The following SLC9A8 variants were observed in gnomAD, a reference collection of about 807,000 sequenced individuals.
SLC9A8 encodes sodium/hydrogen exchanger 8.
SLC9A8 carries 48 observed loss-of-function variants against 66.6 expected under a neutral mutation model. The observed-to-expected ratio is 0.72, with a 90% confidence interval of 0.57 to 0.92. The LOEUF is 0.92. Among genes scored for constraint, SLC9A8 ranks in the 40% least tolerant of loss-of-function variants. The pLI is 0.00. For synonymous variants in SLC9A8, 274 were observed against 282.6 expected (o/e 0.97, Z 0.31); for missense variants, 599 against 747.3 (o/e 0.80, Z 2.31).
In SLC9A8 at chr20:49,886,543, G is replaced by A. The variant is rs748889697; in HGVS notation, c.1492-209G>A. On this transcript the variant is annotated intron_variant, in intron 14 of 15. Transcript: ENST00000361573. The surrounding 1 kb of genome is among the most constrained non-coding windows in gnomAD (Gnocchi z 4.8). Reference sequence around the variant, plus strand: ...TCCTTCTGTTTTAGCTGTCCTAGGTGGGGTCCTGGGCATCCATTGTGCCCT... The same window carrying A: ...TCCTTCTGTTTTAGCTGTCCTAGGTAGGGTCCTGGGCATCCATTGTGCCCT... 7 of 550,828 alleles carry A rather than the reference G, an allele frequency of 1.3e-5. No homozygotes were observed. Among genetic ancestry groups the A allele is most frequent in the Non-Finnish European group, 2.2e-5 (7 of 313,402 alleles). 34.1% of individuals were successfully genotyped at this position (550,828 alleles called of 1,614,324 possible).
At chr20:49,843,540 T>C (rs17724146) in intron 4 of SLC9A8, among the ~76,000 whole-genome samples, 29,873 of 152,144 alleles carry the variant, frequency 0.2, 3,708 homozygotes, top group Non-Finnish European at 0.29. Flanking sequence ...AATATTCATA[T>C]GAAAAAGGGC....
At chr20:49,817,627 C>T (rs6012752) in intron 2 of SLC9A8, among the ~76,000 whole-genome samples, 101,763 of 151,892 alleles carry the variant, frequency 0.67, 35,400 homozygotes, top group African/African-American at 0.86. Flanking sequence ...ACTCTGTCTC[C>T]ACAAAAAATA....
rs2090004772 is a variant in SLC9A8 at position 49,889,951 on chromosome 20, TG to T, written c.*2016del. The T allele has an allele frequency of 6.6e-6, 1 of 152,256 alleles. No homozygotes were observed. Among genetic ancestry groups the T allele is most frequent in the Non-Finnish European group, 1.5e-5 (1 of 68,046 alleles). The allele number at this position is 152,256 out of a possible 1,614,324, so 9.4% of individuals were successfully genotyped here. ...AAAAGAGTCAGATCCCATTTCCGTC[TG>T]CCCCCTCGTCACCAGGTGTGATAGC... is the stretch of plus-strand genomic sequence containing the variant. On this transcript the variant is annotated 3_prime_UTR_variant, in exon 16 of 16. Transcript: ENST00000361573.
intron 10 of SLC9A8, 22 bp downstream of exon 10, chr20:49,864,866 A>G: frequency 6.7e-7 from 1 of 1,490,176 alleles, no homozygotes; most frequent in Non-Finnish European, 9.4e-7. Context: ...AGAGCCTGAA[A>G]GTGCTGTGGT....
At position 49,889,755 on chromosome 20, in the gene SLC9A8, C is replaced by T. The variant is rs2146805164; in HGVS notation, c.*1819C>T. On this transcript the variant is annotated 3_prime_UTR_variant, in exon 16 of 16. Transcript: ENST00000361573. ...GTCAGAGGGTAGGGACCTTTGCCTG[C>T]CCCTGGGCGAGTGCGGGCAGGGATC... 1 of 152,146 alleles carries T rather than the reference C, an allele frequency of 6.6e-6. No homozygotes were observed. The highest frequency in any genetic ancestry group is 1.9e-4 in the East Asian group (1 of 5,194). 9.4% of individuals were successfully genotyped at this position (152,146 alleles called of 1,614,324 possible).
intron 2 of SLC9A8, among the ~76,000 whole-genome samples, chr20:49,822,153 T>C (rs2086762324): frequency 6.6e-6 from 1 of 152,166 alleles, no homozygotes; most frequent in East Asian, 1.9e-4. Flanking sequence ...CCTCAGCCGA[T>C]GGGAATGGCA....
rs1285112375 is a variant in SLC9A8, at chr20:49,884,280, C to CG, written c.1491+214_1491+215insG. On this transcript the variant is annotated intron_variant, in intron 14 of 15. Transcript: ENST00000361573. The stretch of plus-strand genomic sequence containing the variant: ...ACACGACACACACACACACGACACA[C>CG]ACACACACGACACACACACACACAC... The CG allele has an allele frequency of 1.8e-3, 414 of 233,272 alleles. 11 individuals carry two copies. The highest frequency in any genetic ancestry group is 5.4e-3 in the African/African-American group (120 of 22,422). 14.5% of individuals were successfully genotyped at this position (233,272 alleles called of 1,614,324 possible). A position where few individuals can be genotyped will look rare whatever the true frequency, so the allele number is the denominator to read the frequency against.
At chr20:49,860,412 CT>C (rs1361716597) in intron 8 of SLC9A8, among the ~76,000 whole-genome samples, 1 of 152,094 alleles carries the variant, frequency 6.6e-6, no homozygotes, top group Admixed American at 6.5e-5. Flanking sequence ...TCTTATTCTG[CT>C]TTAAAATGAT....
intron 5 of SLC9A8, among the ~76,000 whole-genome samples, chr20:49,846,177 C>T (rs1212763867): frequency 6.6e-6 from 1 of 152,152 alleles, no homozygotes; most frequent in Non-Finnish European, 1.5e-5. Context: ...GAGCTTCTCA[C>T]TTTTAAGCCT....
intron 8 of SLC9A8, among the ~76,000 whole-genome samples, chr20:49,856,002 A>G (rs940187322): frequency 1.3e-5 from 2 of 152,066 alleles, no homozygotes; most frequent in Non-Finnish European, 2.9e-5. Context: ...CATGTTGCCC[A>G]GGCTTGTCTT....
At chr20:49,816,554 G>A (rs1429620265) in intron 2 of SLC9A8, among the ~76,000 whole-genome samples, 1 of 152,096 alleles carries the variant, frequency 6.6e-6, no homozygotes, top group Admixed American at 6.6e-5. Context: ...TGATAACCAG[G>A]TTACCAGATA....
At chr20:49,839,804 A>G (rs2087689794) in intron 4 of SLC9A8, among the ~76,000 whole-genome samples, 1 of 152,140 alleles carries the variant, frequency 6.6e-6, no homozygotes, top group South Asian at 2.1e-4. Flanking sequence ...TCAAGTGAAC[A>G]TGGGCGCCAA....
intron 8 of SLC9A8, among the ~76,000 whole-genome samples, chr20:49,857,537 G>A (rs2088547285): frequency 1.3e-5 from 2 of 152,278 alleles, no homozygotes; most frequent in South Asian, 4.1e-4. Context: ...GGCCAACATG[G>A]TGAAACCCCA....
chr20:49,867,976 C>T (rs1171649797), intron 10 of SLC9A8, among the ~76,000 whole-genome samples: 1 of 152,212 alleles, frequency 6.6e-6, no homozygotes, highest in Non-Finnish European at 1.5e-5. Context: ...TTTTGTTTTT[C>T]ATCGCAGACC....
chr20:49,844,051 C>A (rs2087877259), intron 4 of SLC9A8, among the ~76,000 whole-genome samples: 1 of 151,038 alleles, frequency 6.6e-6, no homozygotes, highest in African/African-American at 2.4e-5. Context: ...TTATCAGATA[C>A]CCAGTCTTGA....
At chr20:49,881,809 A>G (rs1045050756) in intron 13 of SLC9A8, among the ~76,000 whole-genome samples, 4 of 152,208 alleles carry the variant, frequency 2.6e-5, no homozygotes, top group Non-Finnish European at 5.9e-5. Context: ...GTGGTGAGAA[A>G]AACTCATTTT....
intron 2 of SLC9A8, among the ~76,000 whole-genome samples, chr20:49,820,364 C>T (rs1399940044): frequency 1.3e-5 from 2 of 151,970 alleles, no homozygotes; most frequent in Non-Finnish European, 2.9e-5. Flanking sequence ...GGCGTGGTGG[C>T]ATACACCTAT....
intron 4 of SLC9A8, 30 bp from the exon 5 acceptor site, chr20:49,845,006 G>A: frequency 6.8e-7 from 1 of 1,468,138 alleles, no homozygotes; most frequent in South Asian, 1.1e-5. Context: ...CAAATTCCAT[G>A]CCCTTAAGAT....
intron 7 of SLC9A8, 145 bp from the exon 8 acceptor site, chr20:49,855,293 G>A: frequency 1.2e-6 from 1 of 850,832 alleles, no homozygotes; most frequent in Non-Finnish European, 1.9e-6. Flanking sequence ...GATAAGTGGG[G>A]AAAAAATACG....
Sources: allele counts gnomAD v4.1 joint callset (sites outside exome capture counted in the v4.1 genomes callset), GRCh38; gene constraint gnomAD v4.1.1; non-coding constraint Gnocchi (gnomAD v3.1); transcripts MANE v1.5; gene names NCBI Gene and HGNC (gene_info 2026-07-23, HGNC 2026-07-21).